The following ZFYVE1 variants were observed in gnomAD, a reference collection of about 807,000 sequenced individuals.
ZFYVE1 encodes the protein zinc finger FYVE domain-containing protein 1.
ZFYVE1 carries 30 observed loss-of-function variants against 74.4 expected under a neutral mutation model. The ratio of observed to expected loss-of-function variants is 0.40; its 90% CI spans 0.30 to 0.55. The LOEUF (loss-of-function observed/expected upper bound fraction) is 0.55. ZFYVE1 is among the 20% of genes least tolerant of loss of function. The probability of loss-of-function intolerance (pLI) is 0.42; values close to 1 mark genes in which losing one functional copy is unlikely to be tolerated. For missense variants in ZFYVE1, 703 were observed against 1,011.6 expected (o/e 0.69, Z 4.14); for synonymous variants, 335 against 385.1 (o/e 0.87, Z 1.52).
rs1892986243 is a variant in ZFYVE1 at position 72,969,913 on chromosome 14, C to T, written c.*969G>A. The stretch of plus-strand genomic sequence containing the variant: ...TCCCTGGAAGGTTTCTCATGATCGC[C>T]CCTCCGAGAGCTAGAGGGGTTGTGT... On this transcript the variant is annotated 3_prime_UTR_variant, in exon 12 of 12. Transcript: ENST00000556143. 1 of 602,852 alleles carries T rather than the reference C, an allele frequency of 1.7e-6. No homozygotes were observed. The highest frequency in any genetic ancestry group is 3.0e-5 in the Admixed American group (1 of 33,534). 37.3% of individuals were successfully genotyped at this position (602,852 alleles called of 1,614,324 possible).
intron 2 of ZFYVE1, among the ~76,000 whole-genome samples, chr14:73,018,809 T>G (rs1894254258): frequency 1.3e-5 from 2 of 151,988 alleles, no homozygotes; most frequent in African/African-American, 4.8e-5. Context: ...CCAGGCGTGG[T>G]GGCGCGCACC....
At chr14:73,002,466 G>A (rs565192606) in intron 2 of ZFYVE1, among the ~76,000 whole-genome samples, 435 of 3,558 alleles carry the variant, frequency 0.12, 3 homozygotes, top group Admixed American at 0.26. Context: ...TTTTTGAGAC[G>A]GAGTTTTTGC....
intron 2 of ZFYVE1, among the ~76,000 whole-genome samples, chr14:73,002,750 T>C (rs920131738): frequency 6.9e-6 from 1 of 145,422 alleles, no homozygotes; most frequent in African/African-American, 2.5e-5. Context: ...TCTTTTTTTT[T>C]TTTTTTTCTG....
intron 10 of ZFYVE1, 116 bp from the exon 11 acceptor site, chr14:72,974,309 C>A: frequency 1.1e-6 from 1 of 897,270 alleles, no homozygotes; most frequent in African/African-American, 1.6e-5. Context: ...CTGTGCTGTC[C>A]TGCAACTACT....
At chr14:72,985,298 G>C (rs1260607308) in intron 4 of ZFYVE1, among the ~76,000 whole-genome samples, 1 of 151,948 alleles carries the variant, frequency 6.6e-6, no homozygotes, top group Non-Finnish European at 1.5e-5. Flanking sequence ...TGGGATCACA[G>C]GCAAATGCCA....
Position 72,981,779 on chromosome 14 carries a change from C to G in ZFYVE1, c.1310+10G>C. The G allele has an allele frequency of 6.2e-7, 1 of 1,613,496 alleles. No individual in the cohort carries two copies. Among genetic ancestry groups the G allele is most frequent in the Non-Finnish European group, 8.5e-7 (1 of 1,179,560 alleles). ...TATGGGGTGGGAGGTGGGGGAGCGG[C>G]CTTACTTACCCACAGCTGAGGCACA... is the stretch of plus-strand genomic sequence containing the variant. On this transcript the variant is annotated intron_variant, in intron 5 of 11. Transcript: ENST00000556143.
At chr14:73,011,440 T>A (rs1894089661) in intron 2 of ZFYVE1, among the ~76,000 whole-genome samples, 1 of 152,042 alleles carries the variant, frequency 6.6e-6, no homozygotes, top group Admixed American at 6.6e-5. Context: ...GGAGCTGAGA[T>A]CACACCACTG....
chr14:73,015,060 G>A (rs12892197), intron 2 of ZFYVE1, among the ~76,000 whole-genome samples: 22,099 of 151,258 alleles, frequency 0.15, 1,864 homozygotes, highest in South Asian at 0.24. Context: ...GTGAAACCCC[G>A]TCTCTACTAA....
chr14:73,016,688 C>T (rs1283739447), intron 2 of ZFYVE1, among the ~76,000 whole-genome samples: 1 of 151,410 alleles, frequency 6.6e-6, no homozygotes, highest in African/African-American at 2.4e-5. Context: ...TCAAGATCAG[C>T]CTGCCCAAAA....
chr14:72,971,406 G>A (rs373662677), intron 11 of ZFYVE1, among the ~76,000 whole-genome samples: 9 of 151,992 alleles, frequency 5.9e-5, no homozygotes, highest in Non-Finnish European at 8.8e-5. Context: ...TCACGATTTC[G>A]GCTCACCACA....
intron 10 of ZFYVE1, 88 bp from the exon 11 acceptor site, chr14:72,974,281 T>G (rs1893108973): frequency 8.0e-7 from 1 of 1,253,710 alleles, no homozygotes; most frequent in South Asian, 1.3e-5. Context: ...CGCTTCTGGA[T>G]TCTGATCCCA....
chr14:72,977,695 T>C (rs970280925), intron 8 of ZFYVE1, among the ~76,000 whole-genome samples: 16 of 152,198 alleles, frequency 1.1e-4, no homozygotes, highest in African/African-American at 1.7e-4. Flanking sequence ...AGTAAAACTA[T>C]AGATTTTTAG....
Position 72,970,883 on chromosome 14 carries a change from T to C in ZFYVE1, c.2333A>G (p.Ter778=). The C allele has an allele frequency of 3.7e-6, 6 of 1,614,064 alleles. No homozygotes were observed. The highest frequency in any genetic ancestry group is 5.1e-6 in the Non-Finnish European group (6 of 1,179,934). ...AAGGACTCGGAGAGGGGGCTGGGGTTAAAGGTCACCGGGCTTTTTATTGCA... is the reference window on the plus strand; with the variant it reads ...AAGGACTCGGAGAGGGGGCTGGGGTCAAAGGTCACCGGGCTTTTTATTGCA... ...FNCNKKPGDL[*] is the part of the protein sequence containing the mutation. Residue 778 remains the stop codon, a stop_retained_variant, in exon 12 of 12, where the codon TAA becomes TGA. Transcript: ENST00000556143.
intron 4 of ZFYVE1, among the ~76,000 whole-genome samples, chr14:72,991,074 T>C (rs1336178563): frequency 6.6e-6 from 1 of 152,130 alleles, no homozygotes; most frequent in African/African-American, 2.4e-5. Context: ...TCTAACTATT[T>C]TTCTCAAAGC....
rs1594824571 is a variant in ZFYVE1, at chr14:72,969,812, A to C, written c.*1070T>G. The C allele has an allele frequency of 2.9e-6, 2 of 681,792 alleles. No individual in the cohort carries two copies. Among genetic ancestry groups the C allele is most frequent in the East Asian group, 5.4e-5 (2 of 37,138 alleles). 42.2% of individuals were successfully genotyped at this position (681,792 alleles called of 1,614,324 possible). A position where few individuals can be genotyped will look rare whatever the true frequency, so the allele number is the denominator to read the frequency against. On this transcript the variant is annotated 3_prime_UTR_variant, in exon 12 of 12. Transcript: ENST00000556143. The stretch of plus-strand genomic sequence containing the variant: ...TTCTCTTGCAAGGACCAAAGAGATA[A>C]ATTTTTTCTTTACGATCTGTTGAAA...
At chr14:72,971,820 C>T (rs559919962) in intron 11 of ZFYVE1, among the ~76,000 whole-genome samples, 2 of 152,218 alleles carry the variant, frequency 1.3e-5, no homozygotes, top group African/African-American at 2.4e-5. Flanking sequence ...AAGGGGCAGC[C>T]GTGTTAAGAA....
chr14:73,009,542 G>C (rs945152523), intron 2 of ZFYVE1, among the ~76,000 whole-genome samples: 2 of 152,196 alleles, frequency 1.3e-5, no homozygotes, highest in African/African-American at 2.4e-5. Context: ...GGATCACAAG[G>C]TCAGGAGTTC....
chr14:72,978,539 C>T (rs1893235826), intron 6 of ZFYVE1, among the ~76,000 whole-genome samples: 1 of 125,104 alleles, frequency 8.0e-6, no homozygotes, highest in African/African-American at 3.2e-5. Flanking sequence ...TGCACTCCAG[C>T]CTGGCTGACA....
In ZFYVE1 at chr14:73,024,467, C is replaced by G. The variant is rs1200782172; in HGVS notation, c.42G>C (p.Pro14=). The G allele has an allele frequency of 6.2e-7, 1 of 1,612,754 alleles. No homozygotes were observed. Among genetic ancestry groups the G allele is most frequent in the East Asian group, 2.2e-5 (1 of 44,886 alleles). ...QTSPAEKGLN[P]GLMCQESYAC... ...CGTAACTTTCCTGGCACATCAGCCC[C>G]GGATTCAGGCCCTTCTCTGCTGGGG... The change falls in exon 2 of 12, where the codon CCG becomes CCC. Residue 14 remains proline (P), a synonymous_variant. Transcript: ENST00000556143.
Sources: allele counts gnomAD v4.1 joint callset (sites outside exome capture counted in the v4.1 genomes callset), GRCh38; gene constraint gnomAD v4.1.1; transcripts MANE v1.5; gene names NCBI Gene and HGNC (gene_info 2026-07-23, HGNC 2026-07-21).